ATP2B1: variants seen among roughly 807,000 people sequenced by gnomAD.
ATP2B1 encodes ATPase plasma membrane Ca2+ transporting 1.
Under a neutral mutation model 124.2 loss-of-function variants are expected in ATP2B1, and 14 were observed. The observed-to-expected ratio is 0.11, with a 90% confidence interval of 0.07 to 0.18. The LOEUF (loss-of-function observed/expected upper bound fraction) is 0.18. Ranked by LOEUF, ATP2B1 falls within the 10% of genes least tolerant of loss-of-function variation. The pLI is 1.00. For synonymous variants in ATP2B1, 449 were observed against 492.4 expected (o/e 0.91, Z 1.17); for missense variants, 763 against 1,466.1 (o/e 0.52, Z 7.83).
Position 89,601,443 on chromosome 12 carries a change from T to G in ATP2B1, c.3061-10A>C. The G allele has an allele frequency of 6.7e-7, 1 of 1,484,248 alleles. No individual in the cohort carries two copies. Among genetic ancestry groups the G allele is most frequent in the Non-Finnish European group, 9.1e-7 (1 of 1,103,988 alleles). 91.9% of individuals were successfully genotyped at this position (1,484,248 alleles called of 1,614,324 possible). On this transcript the variant is annotated splice_polypyrimidine_tract_variant and intron_variant, in intron 18 of 20. Transcript: ENST00000428670. ...ACTGCACAATTATTATCTGGAGGAA[T>G]AATCAAGAGTAAATTTACTTAAATC...
intron 13 of ATP2B1, chr12:89,610,760 G>A (rs568323906): frequency 3.3e-5 from 14 of 427,192 alleles, no homozygotes; most frequent in African/African-American, 2.7e-4. Context: ...AAGTTTAAAA[G>A]CCACTGTTTT....
chr12:89,678,568 C>T (rs1329403795), intron 1 of ATP2B1, among the ~76,000 whole-genome samples: 1 of 152,084 alleles, frequency 6.6e-6, no homozygotes, highest in Admixed American at 6.6e-5. Flanking sequence ...CACACTTTCT[C>T]CAATATATTT....
At chr12:89,660,807 C>A (rs975970211) in intron 1 of ATP2B1, among the ~76,000 whole-genome samples, 1 of 152,084 alleles carries the variant, frequency 6.6e-6, no homozygotes, top group Non-Finnish European at 1.5e-5. Context: ...CCTTCTCCCA[C>A]CCCAGATGAG....
intron 15 of ATP2B1, among the ~76,000 whole-genome samples, chr12:89,609,052 G>C (rs966846119): frequency 2.0e-5 from 3 of 152,092 alleles, no homozygotes; most frequent in African/African-American, 7.2e-5. Context: ...TTCCATTTTA[G>C]CAGCAAAATA....
chr12:89,665,703 G>A (rs894641013), intron 1 of ATP2B1, among the ~76,000 whole-genome samples: 2 of 152,168 alleles, frequency 1.3e-5, no homozygotes, highest in Non-Finnish European at 2.9e-5. Context: ...TTAAAACTGT[G>A]TTTTTCCTTC....
At chr12:89,647,778 A>T (rs1414767918) in intron 2 of ATP2B1, among the ~76,000 whole-genome samples, 1 of 152,144 alleles carries the variant, frequency 6.6e-6, no homozygotes, top group African/African-American at 2.4e-5. Context: ...GGGTAATTGG[A>T]TCATGGGGGC....
Position 89,591,183 on chromosome 12 carries a change from G to C in ATP2B1, c.3464C>G (p.Ser1155Ter). The change falls in exon 21 of 21, where the codon TCA (serine) becomes TGA (stop). Residue 1155 changes from serine (S) to a stop codon, truncating the protein, a stop_gained. Transcript: ENST00000428670. LOFTEE classifies it high-confidence loss of function. ...ATCAATAAGGGGGATATGAGGCTCTGAATCTTCTATCCTAAACTCAGGATG... is the reference window on the plus strand; with the variant it reads ...ATCAATAAGGGGGATATGAGGCTCTCAATCTTCTATCCTAAACTCAGGATG... ...MTHPEFRIED[S>*]EPHIPLIDDT... is the part of the protein sequence containing the mutation. The C allele has an allele frequency of 6.2e-7, 1 of 1,613,298 alleles. No individual in the cohort carries two copies. The highest frequency in any genetic ancestry group is 8.5e-7 in the Non-Finnish European group (1 of 1,179,432).
At chr12:89,703,388 A>G (rs1892078171) in intron 1 of ATP2B1, among the ~76,000 whole-genome samples, 1 of 152,218 alleles carries the variant, frequency 6.6e-6, no homozygotes, top group Non-Finnish European at 1.5e-5. Flanking sequence ...ATCAATTAGT[A>G]TGCTATCACT....
chr12:89,682,129 G>A (rs941404561), intron 1 of ATP2B1, among the ~76,000 whole-genome samples: 3 of 151,950 alleles, frequency 2.0e-5, no homozygotes, highest in South Asian at 2.1e-4. Flanking sequence ...ACTCCACCAC[G>A]ATAGCAACCA....
chr12:89,657,963 G>T (rs183930565), intron 1 of ATP2B1, among the ~76,000 whole-genome samples: 1 of 152,202 alleles, frequency 6.6e-6, no homozygotes, highest in Admixed American at 6.5e-5. Flanking sequence ...CCTTATGCTT[G>T]TCTAATTATT....
At chr12:89,662,474 A>C (rs897984055) in intron 1 of ATP2B1, among the ~76,000 whole-genome samples, 3 of 152,176 alleles carry the variant, frequency 2.0e-5, no homozygotes, top group African/African-American at 7.2e-5. Context: ...GCTTTAAAGA[A>C]ATCAAGGAAT....
chr12:89,605,341 G>A (rs1484698377), intron 15 of ATP2B1, among the ~76,000 whole-genome samples: 1 of 152,176 alleles, frequency 6.6e-6, no homozygotes, highest in Non-Finnish European at 1.5e-5. Flanking sequence ...GAAACTCAGA[G>A]GTGATATGAT....
chr12:89,702,384 G>T (rs758687776), intron 1 of ATP2B1, among the ~76,000 whole-genome samples: 8 of 152,140 alleles, frequency 5.3e-5, no homozygotes, highest in Non-Finnish European at 8.8e-5. Flanking sequence ...TTTAAAATAG[G>T]TTATTGAAAA....
intron 1 of ATP2B1, among the ~76,000 whole-genome samples, chr12:89,700,824 T>C (rs1423784557): frequency 1.3e-5 from 2 of 152,186 alleles, no homozygotes; most frequent in African/African-American, 2.4e-5. Flanking sequence ...ATTAGACCTA[T>C]AAAATTTAAA....
chr12:89,591,605 A>G (rs1414351619), intron 20 of ATP2B1, among the ~76,000 whole-genome samples: 9 of 152,184 alleles, frequency 5.9e-5, no homozygotes, highest in Admixed American at 3.9e-4. Flanking sequence ...AATCAAACAC[A>G]AAACAAAACA....
chr12:89,624,457 C>T, intron 8 of ATP2B1, 60 bp from the exon 9 acceptor site: 1 of 1,360,000 alleles, frequency 7.4e-7, no homozygotes, highest in Non-Finnish European at 1.0e-6. Flanking sequence ...CTAACCCTTG[C>T]CAGATATAAA....
chr12:89,616,523 T>G (rs1879001660), intron 12 of ATP2B1, among the ~76,000 whole-genome samples: 1 of 152,152 alleles, frequency 6.6e-6, no homozygotes, highest in African/African-American at 2.4e-5. Context: ...TATTATTTAA[T>G]TTAAGATAAA....
intron 11 of ATP2B1, among the ~76,000 whole-genome samples, chr12:89,619,421 G>A (rs1879564099): frequency 6.6e-6 from 1 of 151,944 alleles, no homozygotes; most frequent in Non-Finnish European, 1.5e-5. Flanking sequence ...AGACCAGCCT[G>A]GCCAACATGG....
chr12:89,634,726 G>T, intron 5 of ATP2B1, 52 bp downstream of exon 5: 1 of 1,490,448 alleles, frequency 6.7e-7, no homozygotes, highest in Non-Finnish European at 9.1e-7. Flanking sequence ...GCTGACAATG[G>T]TACATAGTTG....
Sources: gnomAD v4.1 joint callset for allele counts (sites outside exome capture counted in the v4.1 genomes callset) on GRCh38, gnomAD v4.1.1 for gene constraint, MANE v1.5 for transcripts, NCBI Gene and HGNC (gene_info 2026-07-23, HGNC 2026-07-21) for gene names.